The following MLLT10 variants were observed in gnomAD, a reference collection of about 807,000 sequenced individuals.
MLLT10 encodes the protein MLLT10 histone lysine methyltransferase DOT1L cofactor.
In MLLT10, 30 loss-of-function variants were observed where a neutral mutation model predicts 129.1. That is an observed-to-expected ratio of 0.23 (90% CI 0.17 to 0.32). The LOEUF (loss-of-function observed/expected upper bound fraction) is 0.32, where lower values mean the gene tolerates loss of function less well. MLLT10 is among the 10% of genes least tolerant of loss of function. The pLI, the probability that MLLT10 is intolerant of heterozygous loss-of-function variation, is 1.00. For missense variants in MLLT10, 1,119 were observed against 1,268.3 expected, an observed-to-expected ratio of 0.88 and a Z score of 1.79; for synonymous variants, 490 against 446.4, an observed-to-expected ratio of 1.10 and a Z score of -1.23.
intron 9 of MLLT10, among the ~76,000 whole-genome samples, chr10:21,653,136 A>G (rs1321833100): frequency 6.6e-6 from 1 of 152,232 alleles, no homozygotes; most frequent in East Asian, 1.9e-4. Context: ...TAAACTTACT[A>G]GTCGTTCTGT....
intron 21 of MLLT10, among the ~76,000 whole-genome samples, chr10:21,738,830 C>T (rs1005574697): frequency 6.6e-6 from 1 of 152,164 alleles, no homozygotes; most frequent in Non-Finnish European, 1.5e-5. Context: ...GGGTCCTCCT[C>T]TTCAGCCTGA....
intron 3 of MLLT10, 118 bp from the exon 4 acceptor site, chr10:21,586,173 TGGG>T (rs1235802737): frequency 8.0e-6 from 6 of 749,730 alleles, no homozygotes; most frequent in Admixed American, 7.5e-5. Context: ...GAAATATTCT[TGGG>T]GGGCAACTAG....
intron 8 of MLLT10, among the ~76,000 whole-genome samples, chr10:21,638,637 C>T (rs529664069): frequency 1.1e-4 from 16 of 152,164 alleles, no homozygotes; most frequent in African/African-American, 3.4e-4. Flanking sequence ...AGCCCAGGAG[C>T]GTGAGACCCC....
intron 13 of MLLT10, among the ~76,000 whole-genome samples, chr10:21,686,849 G>A (rs1392599606): frequency 6.6e-6 from 1 of 152,072 alleles, no homozygotes; most frequent in Non-Finnish European, 1.5e-5. Flanking sequence ...AGACGTGATG[G>A]TGCGTGTCTG....
intron 3 of MLLT10, among the ~76,000 whole-genome samples, chr10:21,563,458 G>A (rs1420489511): frequency 1.3e-5 from 2 of 152,022 alleles, no homozygotes; most frequent in Non-Finnish European, 1.5e-5. Flanking sequence ...AGGAGGCAGA[G>A]GTTGCAGTGA....
At chr10:21,610,172 T>C (rs1375108967) in intron 5 of MLLT10, among the ~76,000 whole-genome samples, 15 of 152,212 alleles carry the variant, frequency 9.9e-5, no homozygotes. Flanking sequence ...TTCTCATAAT[T>C]AATATGGAAC....
intron 14 of MLLT10, among the ~76,000 whole-genome samples, chr10:21,715,500 C>T (rs1005011501): frequency 6.6e-6 from 1 of 152,170 alleles, no homozygotes; most frequent in Non-Finnish European, 1.5e-5. Context: ...ATGGTTTTAT[C>T]TCTTTTTAAT....
chr10:21,592,966 A>G (rs1400298621), intron 4 of MLLT10, among the ~76,000 whole-genome samples: 7 of 151,286 alleles, frequency 4.6e-5, no homozygotes, highest in Non-Finnish European at 1.0e-4. Flanking sequence ...TGCCTATTAC[A>G]TTTTTCATGT....
chr10:21,619,029 T>TACACACACACACACACAC (rs66469025), intron 8 of MLLT10, among the ~76,000 whole-genome samples: 22 of 143,886 alleles, frequency 1.5e-4, no homozygotes, highest in Middle Eastern at 3.5e-3. Flanking sequence ...CCTGGTGACA[T>TACACACACACACACACAC]ACACACACAC....
rs538961004 is a variant in MLLT10 at position 21,743,443 on chromosome 10, A to G, written c.*1460A>G. On this transcript the variant is annotated 3_prime_UTR_variant, in exon 23 of 23. Coordinates refer to ENST00000307729, the MANE Select transcript of MLLT10 (RefSeq NM_001195626.3). The stretch of plus-strand genomic sequence containing the variant: ...TATGTTCAGGGGAATTTTAAAGTCA[A>G]ATCTTTTGTAGATAATTTAAAAAAT... 1.0e-5 allele frequency: 2 copies of G among 192,916 alleles called. No homozygotes were observed. Among genetic ancestry groups the G allele is most frequent in the Admixed American group, 6.1e-5 (1 of 16,316 alleles). 12.0% of individuals were successfully genotyped at this position (192,916 alleles called of 1,614,324 possible).
intron 9 of MLLT10, among the ~76,000 whole-genome samples, chr10:21,663,178 A>C (rs2050385161): frequency 6.6e-6 from 1 of 152,124 alleles, no homozygotes; most frequent in African/African-American, 2.4e-5. Context: ...CTAGAGGTAA[A>C]ATTCACAAAA....
intron 13 of MLLT10, among the ~76,000 whole-genome samples, chr10:21,705,627 C>T (rs550749569): frequency 9.2e-5 from 14 of 152,272 alleles, no homozygotes; most frequent in Admixed American, 3.3e-4. Context: ...GCAGTGGTTC[C>T]CCACATCTCA....
intron 8 of MLLT10, among the ~76,000 whole-genome samples, chr10:21,648,255 A>C (rs769686172): frequency 9.2e-5 from 14 of 152,240 alleles, no homozygotes; most frequent in Non-Finnish European, 1.9e-4. Context: ...GATATAAGCC[A>C]TGCACAGTGT....
chr10:21,721,363 C>T (rs1227475989), intron 14 of MLLT10, among the ~76,000 whole-genome samples: 5 of 152,080 alleles, frequency 3.3e-5, no homozygotes, highest in Admixed American at 6.6e-5. Context: ...TATTATTCTG[C>T]GCTTATTAAC....
In MLLT10 at chr10:21,709,733, T is replaced by C. The variant is rs370379339; in HGVS notation, c.1700-4039T>C. Among the ~76,000 whole-genome samples the C allele has an allele frequency of 2.2e-4, 33 of 152,278 alleles. 2 individuals carry two copies. Among genetic ancestry groups the C allele is most frequent in the African/African-American group, 7.7e-4 (32 of 41,560 alleles). On this transcript the variant is annotated intron_variant, in intron 13 of 22. Transcript: ENST00000307729. Reference sequence around the variant, plus strand: ...GCCCTCTTAGCCAAACTTGTTTCTTTTTCTTCCTTTCCTTTCTTTTTCTTT... The same window carrying C: ...GCCCTCTTAGCCAAACTTGTTTCTTCTTCTTCCTTTCCTTTCTTTTTCTTT...
intron 11 of MLLT10, among the ~76,000 whole-genome samples, chr10:21,679,555 T>C (rs1375511151): frequency 6.6e-6 from 1 of 152,196 alleles, no homozygotes; most frequent in Non-Finnish European, 1.5e-5. Flanking sequence ...CCTTGAGCAG[T>C]AGGATATAAA....
At chr10:21,602,599 G>A (rs1589173939) in intron 5 of MLLT10, among the ~76,000 whole-genome samples, 2 of 152,272 alleles carry the variant, frequency 1.3e-5, no homozygotes. Flanking sequence ...TCATTTTTAA[G>A]GGAATATAAG....
At chr10:21,688,677 A>G (rs1363078097) in intron 13 of MLLT10, 9 of 615,826 alleles carry the variant, frequency 1.5e-5, no homozygotes, top group Admixed American at 6.9e-5. Context: ...GGAATTATCT[A>G]TAACCTTGGG....
intron 13 of MLLT10, among the ~76,000 whole-genome samples, chr10:21,709,303 T>C (rs1012048599): frequency 8.6e-5 from 13 of 151,988 alleles, no homozygotes; most frequent in Non-Finnish European, 1.5e-4. Context: ...AGTGGTGTGA[T>C]CTTGGCTTAT....
Sources: gnomAD v4.1 joint callset for allele counts (sites outside exome capture counted in the v4.1 genomes callset) on GRCh38, gnomAD v4.1.1 for gene constraint, MANE v1.5 for transcripts, NCBI Gene and HGNC (gene_info 2026-07-23, HGNC 2026-07-21) for gene names.